Variants in SOX6 observed in about 807,000 individuals in gnomAD.
SOX6 encodes transcription factor SOX-6.
A neutral mutation model predicts 97.8 loss-of-function variants in SOX6; 11 were observed. The ratio of observed to expected loss-of-function variants is 0.11; its 90% CI spans 0.07 to 0.19. The LOEUF is 0.19. Among genes scored for constraint, SOX6 ranks in the 10% least tolerant of loss-of-function variants. The pLI, the probability that SOX6 is intolerant of heterozygous loss-of-function variation, is 1.00. For missense variants in SOX6, 810 were observed against 1,039.5 expected (o/e 0.78, Z 3.04); for synonymous variants, 360 against 371.4 (o/e 0.97, Z 0.35).
chr11:16,711,225 T>C (rs1456709092), intron 3 of SOX6, among the ~76,000 whole-genome samples: 1 of 152,314 alleles, frequency 6.6e-6, no homozygotes, highest in East Asian at 1.9e-4. Flanking sequence ...ATCACTCTCC[T>C]GCTAAAAACA....
At chr11:16,426,440 T>C (rs904649405) in intron 1 of SOX6, among the ~76,000 whole-genome samples, 2 of 151,846 alleles carry the variant, frequency 1.3e-5, no homozygotes, top group African/African-American at 4.8e-5. Flanking sequence ...AACAGCATGG[T>C]ACTGGCACAA....
At chr11:15,974,700 C>T (rs1853420264) in intron 15 of SOX6, among the ~76,000 whole-genome samples, 1 of 151,982 alleles carries the variant, frequency 6.6e-6, no homozygotes, top group South Asian at 2.1e-4. Flanking sequence ...ACCTCCATGC[C>T]CTCCAGCCTG....
chr11:16,259,945 A>ATGTG (rs5789946), intron 3 of SOX6, among the ~76,000 whole-genome samples: 75 of 149,144 alleles, frequency 5.0e-4, no homozygotes, highest in Admixed American at 2.7e-3. Context: ...TGTCCCAAAT[A>ATGTG]TGTGTGTGTG....
chr11:16,703,701 T>C (rs1848110954), intron 3 of SOX6, among the ~76,000 whole-genome samples: 1 of 152,184 alleles, frequency 6.6e-6, no homozygotes, highest in Non-Finnish European at 1.5e-5. Context: ...TCATCTTTTT[T>C]TACAATGTGC....
At chr11:16,467,890 C>G (rs945175891) in intron 1 of SOX6, among the ~76,000 whole-genome samples, 1 of 152,188 alleles carries the variant, frequency 6.6e-6, no homozygotes, top group Non-Finnish European at 1.5e-5. Flanking sequence ...CACTTCTTCA[C>G]TTCTTTATAT....
chr11:16,125,855 G>T (rs985558384), intron 6 of SOX6, among the ~76,000 whole-genome samples: 22 of 151,236 alleles, frequency 1.5e-4, no homozygotes, highest in African/African-American at 4.9e-4. Context: ...AGGAAGGAAG[G>T]AAGGAAGGAA....
At chr11:16,044,108 CT>C (rs1855757039) in intron 12 of SOX6, among the ~76,000 whole-genome samples, 1 of 152,102 alleles carries the variant, frequency 6.6e-6, no homozygotes, top group Non-Finnish European at 1.5e-5. Flanking sequence ...GCTGTACAGG[CT>C]TTTGTCTTCT....
At chr11:16,357,447 C>T (rs1167714765), upstream of SOX6, among the ~76,000 whole-genome samples, 4 of 152,074 alleles carry the variant, frequency 2.6e-5, no homozygotes, top group South Asian at 2.1e-4. Context: ...TGCGTACGGT[C>T]GGCAATTGTT....
At chr11:16,413,809 C>T (rs1169329946) in intron 1 of SOX6, among the ~76,000 whole-genome samples, 6 of 138,592 alleles carry the variant, frequency 4.3e-5, no homozygotes, top group African/African-American at 1.1e-4. Context: ...CATGAGCCAC[C>T]GCGCCCGGCC....
intron 3 of SOX6, among the ~76,000 whole-genome samples, chr11:16,240,316 G>GTGTGTGTGTGT (rs1853150555): frequency 3.4e-5 from 5 of 147,298 alleles, no homozygotes; most frequent in South Asian, 2.2e-4. Context: ...GTGTGTGTGT[G>GTGTGTGTGTGT]GCAGTGGAAG....
chr11:16,522,054 C>T (rs983438180), intron 4 of SOX6, among the ~76,000 whole-genome samples: 2 of 152,212 alleles, frequency 1.3e-5, no homozygotes, highest in South Asian at 4.1e-4. Flanking sequence ...GGAAAACACT[C>T]TGCAGGATAT....
intron 3 of SOX6, among the ~76,000 whole-genome samples, chr11:16,699,729 ATACT>A (rs973269408): frequency 1.1e-3 from 163 of 152,294 alleles, no homozygotes; most frequent in African/African-American, 3.4e-3. Context: ...ACACATACAA[ATACT>A]TACATCACAG....
At chr11:16,372,433 A>G (rs1472222308) in intron 1 of SOX6, among the ~76,000 whole-genome samples, 1 of 152,144 alleles carries the variant, frequency 6.6e-6, no homozygotes, top group East Asian at 1.9e-4. Context: ...GTAGAGACAG[A>G]TGGCAGACTT....
At chr11:16,722,179 AAACTT>A (rs1449890026) in intron 2 of SOX6, among the ~76,000 whole-genome samples, 1 of 152,216 alleles carries the variant, frequency 6.6e-6, no homozygotes, top group Non-Finnish European at 1.5e-5. Context: ...AAACTATAAT[AAACTT>A]AAGAAATTCT....
chr11:16,327,752 G>A (rs1485756593), intron 2 of SOX6, among the ~76,000 whole-genome samples: 1 of 152,048 alleles, frequency 6.6e-6, no homozygotes, highest in South Asian at 2.1e-4. Flanking sequence ...CAGATGTCAG[G>A]AATTAAGAGT....
At chr11:16,045,280 G>A (rs558925856) in intron 12 of SOX6, among the ~76,000 whole-genome samples, 2 of 152,228 alleles carry the variant, frequency 1.3e-5, no homozygotes, top group East Asian at 3.9e-4. Context: ...GTCACTGGAG[G>A]TGGGTCTTTG....
intron 4 of SOX6, among the ~76,000 whole-genome samples, chr11:16,500,225 A>T (rs1247026583): frequency 6.6e-6 from 1 of 152,240 alleles, no homozygotes; most frequent in African/African-American, 2.4e-5. Flanking sequence ...GATTACCTCA[A>T]TAGATGCAGA....
chr11:16,396,228 T>C (rs996324176), intron 1 of SOX6, among the ~76,000 whole-genome samples: 5 of 151,726 alleles, frequency 3.3e-5, no homozygotes, highest in Admixed American at 3.3e-4. Context: ...ACAAAGCATT[T>C]AGCACACAGA....
At chr11:16,217,546 C>A (rs973998267) in intron 4 of SOX6, among the ~76,000 whole-genome samples, 4 of 152,102 alleles carry the variant, frequency 2.6e-5, no homozygotes, top group African/African-American at 9.7e-5. Flanking sequence ...AATGTCTTAA[C>A]AGTCATAAAG....
Sources: allele counts gnomAD v4.1 joint callset (sites outside exome capture counted in the v4.1 genomes callset), GRCh38; gene constraint gnomAD v4.1.1; transcripts MANE v1.5; gene names NCBI Gene and HGNC (gene_info 2026-07-23, HGNC 2026-07-21).